TFCP2L1: variants seen among roughly 807,000 people sequenced by gnomAD.
TFCP2L1 encodes transcription factor CP2-like protein 1.
A neutral mutation model predicts 72.2 loss-of-function variants in TFCP2L1; 12 were observed. The observed-to-expected ratio is 0.17, with a 90% CI of 0.11 to 0.27. The LOEUF (loss-of-function observed/expected upper bound fraction) is 0.27, where lower values mean the gene tolerates loss of function less well. Among genes scored for constraint, TFCP2L1 ranks in the 10% least tolerant of loss-of-function variants. The pLI is 1.00. For synonymous variants in TFCP2L1, 260 were observed against 251.0 expected, an observed-to-expected ratio of 1.04 and a Z score of -0.34; for missense variants, 488 against 624.6, an observed-to-expected ratio of 0.78 and a Z score of 2.33.
intron 2 of TFCP2L1, among the ~76,000 whole-genome samples, chr2:121,262,823 T>C (rs1421001130): frequency 6.6e-6 from 1 of 152,242 alleles, no homozygotes; most frequent in Non-Finnish European, 1.5e-5. Flanking sequence ...ACACTGGGTC[T>C]CCATATGAAC....
chr2:121,284,701 G>C (rs1306664001), intron 1 of TFCP2L1, among the ~76,000 whole-genome samples: 1 of 152,210 alleles, frequency 6.6e-6, no homozygotes, highest in Non-Finnish European at 1.5e-5. Context: ...CTGCTTCTCC[G>C]ATACGCGGGG....
chr2:121,264,138 C>A (rs1020897193), intron 2 of TFCP2L1, among the ~76,000 whole-genome samples: 1 of 152,142 alleles, frequency 6.6e-6, no homozygotes, highest in Non-Finnish European at 1.5e-5. Context: ...TGAGAGTGGT[C>A]GCATGGCCAC....
At chr2:121,238,580 G>A (rs984576029) in intron 8 of TFCP2L1, among the ~76,000 whole-genome samples, 23 of 152,160 alleles carry the variant, frequency 1.5e-4, no homozygotes, top group Admixed American at 1.1e-3. Context: ...AGAGACCCTC[G>A]CAGGGCTGAT....
chr2:121,231,157 G>GCTATGCATACACTTAAAACTC (rs2104665940), intron 13 of TFCP2L1, among the ~76,000 whole-genome samples: 1 of 152,256 alleles, frequency 6.6e-6, no homozygotes, highest in Admixed American at 6.5e-5. Context: ...TAAATAAGTC[G>GCTATGCATACACTTAAAACTC]CTATGCATAC....
rs1687248315 is a variant in TFCP2L1 at position 121,281,094 on chromosome 2, CCTGGCCCGGGGCCT to C, written c.214+12_214+25del. ...GCTCCCCACTACTTCTGGGTTCCGC[CCTGGCCCGGGGCCT>C]CTGGCCACTACCTTGGTTGAGGTAG... On this transcript the variant is annotated intron_variant, in intron 2 of 14. Transcript: ENST00000263707. 1.9e-6 allele frequency: 3 copies of C among 1,613,588 alleles called. No individual in the cohort carries two copies. Among genetic ancestry groups the C allele is most frequent in the Non-Finnish European group, 2.5e-6 (3 of 1,179,978 alleles).
chr2:121,256,389 T>C (rs1686720801), intron 2 of TFCP2L1, among the ~76,000 whole-genome samples: 1 of 152,170 alleles, frequency 6.6e-6, no homozygotes, highest in African/African-American at 2.4e-5. Flanking sequence ...CACGACACTA[T>C]AAATGACGAT....
chr2:121,262,892 G>A (rs550897994), intron 2 of TFCP2L1, among the ~76,000 whole-genome samples: 1 of 151,996 alleles, frequency 6.6e-6, no homozygotes, highest in Admixed American at 6.6e-5. Context: ...TGTTTGATTT[G>A]CTCTCATACT....
At chr2:121,280,106 A>G (rs969979049) in intron 2 of TFCP2L1, among the ~76,000 whole-genome samples, 1 of 152,040 alleles carries the variant, frequency 6.6e-6, no homozygotes, top group African/African-American at 2.4e-5. Flanking sequence ...AACAACCACT[A>G]TCATACCAGG....
In TFCP2L1 at chr2:121,219,441, G is replaced by A. The variant is rs1325685718; in HGVS notation, c.*4900C>T. ...CCCCTGGCTGGCAAGGAATATCTGG[G>A]AGCCCCCATAAGTTTGCGGAGGAAG... On this transcript the variant is annotated 3_prime_UTR_variant, in exon 15 of 15. Coordinates refer to ENST00000263707, the MANE Select transcript of TFCP2L1 (RefSeq NM_014553.3). 1 of 152,246 alleles carries A rather than the reference G, an allele frequency of 6.6e-6. No individual in the cohort carries two copies. The highest frequency in any genetic ancestry group is 2.4e-5 in the African/African-American group (1 of 41,448). 9.4% of individuals were successfully genotyped at this position (152,246 alleles called of 1,614,324 possible).
intron 14 of TFCP2L1, among the ~76,000 whole-genome samples, chr2:121,224,591 C>G (rs980427895): frequency 1.3e-5 from 2 of 152,208 alleles, no homozygotes; most frequent in African/African-American, 4.8e-5. Context: ...ATAGGTCTTT[C>G]TACCATAGCC....
chr2:121,279,365 G>A (rs887467505), intron 2 of TFCP2L1, among the ~76,000 whole-genome samples: 4 of 152,196 alleles, frequency 2.6e-5, no homozygotes, highest in Admixed American at 1.3e-4. Flanking sequence ...ATGCACACTT[G>A]GCCACATCAC....
chr2:121,280,183 C>T (rs987666226), intron 2 of TFCP2L1, among the ~76,000 whole-genome samples: 1 of 150,854 alleles, frequency 6.6e-6, no homozygotes, highest in South Asian at 2.1e-4. Flanking sequence ...CATGAAAACA[C>T]TGAGGTTCAG....
At chr2:121,242,566 C>G in intron 6 of TFCP2L1, 97 bp from the exon 7 acceptor site, 1 of 1,169,862 alleles carries the variant, frequency 8.5e-7, no homozygotes, top group Non-Finnish European at 1.3e-6. Context: ...GGCCCCAGGG[C>G]GCAGGGAGGA....
At chr2:121,225,674 G>C in intron 13 of TFCP2L1, 61 bp from the exon 14 acceptor site, 1 of 1,585,252 alleles carries the variant, frequency 6.3e-7, no homozygotes, top group South Asian at 1.1e-5. Flanking sequence ...GGAAAGCCTC[G>C]GTGGCAGAGC....
intron 2 of TFCP2L1, among the ~76,000 whole-genome samples, chr2:121,261,038 G>A (rs115927351): frequency 1.3e-3 from 194 of 152,292 alleles, no homozygotes; most frequent in Non-Finnish European, 2.1e-3. Flanking sequence ...TGAACTCATC[G>A]TGCCCAGCAC....
intron 10 of TFCP2L1, among the ~76,000 whole-genome samples, chr2:121,236,198 G>A (rs1466979211): frequency 1.3e-5 from 2 of 152,184 alleles, no homozygotes; most frequent in East Asian, 3.9e-4. Flanking sequence ...GTTATGAATA[G>A]GCTCTCTGAA....
chr2:121,242,083 CAAAAAAAA>C (rs541937558), intron 7 of TFCP2L1, among the ~76,000 whole-genome samples: 1,993 of 65,576 alleles, frequency 0.03, 53 homozygotes, highest in African/African-American at 0.097. Flanking sequence ...ATTACCTACT[CAAAAAAAA>C]AAAAAAAAAA....
chr2:121,239,704 C>A (rs919209376), intron 7 of TFCP2L1, 55 bp from the exon 8 acceptor site: 41 of 1,533,320 alleles, frequency 2.7e-5, no homozygotes, highest in Non-Finnish European at 2.8e-5. Flanking sequence ...GAGCCGTGCT[C>A]CCCAGGTCCT....
intron 2 of TFCP2L1, among the ~76,000 whole-genome samples, chr2:121,254,495 C>T (rs1686675543): frequency 6.6e-6 from 1 of 151,980 alleles, no homozygotes; most frequent in African/African-American, 2.4e-5. Flanking sequence ...TAAAGAAATC[C>T]CAAAGCCAGC....
Sources: allele counts gnomAD v4.1 joint callset (sites outside exome capture counted in the v4.1 genomes callset), GRCh38; gene constraint gnomAD v4.1.1; transcripts MANE v1.5; gene names NCBI Gene and HGNC (gene_info 2026-07-23, HGNC 2026-07-21).